The following DLGAP3 variants were observed in gnomAD, a reference collection of about 807,000 sequenced individuals.
The protein encoded by DLGAP3 is disks large-associated protein 3.
DLGAP3 carries 17 observed loss-of-function variants against 81.2 expected under a neutral mutation model. The ratio of observed to expected loss-of-function variants is 0.21; its 90% CI spans 0.14 to 0.31. DLGAP3 has a LOEUF of 0.31. Among genes scored for constraint, DLGAP3 ranks in the 10% least tolerant of loss-of-function variants. DLGAP3 has a pLI of 1.00. For missense variants in DLGAP3, 1,124 were observed against 1,388.0 expected (o/e 0.81, Z 3.02); for synonymous variants, 577 against 587.4 (o/e 0.98, Z 0.26).
At chr1:34,913,086 C>T (rs1639661192) in intron 1 of DLGAP3, among the ~76,000 whole-genome samples, 1 of 152,140 alleles carries the variant, frequency 6.6e-6, no homozygotes, top group Non-Finnish European at 1.5e-5. Flanking sequence ...CTTAGGACCC[C>T]AAGGGAAATC....
At chr1:34,871,284 G>A (rs749812813) in intron 8 of DLGAP3, among the ~76,000 whole-genome samples, 2 of 152,196 alleles carry the variant, frequency 1.3e-5, no homozygotes, top group East Asian at 3.9e-4. Flanking sequence ...TCCTTGAATC[G>A]ACTATAAGCG....
At chr1:34,878,795 G>A (rs1217007650) in intron 8 of DLGAP3, among the ~76,000 whole-genome samples, 1 of 152,216 alleles carries the variant, frequency 6.6e-6, no homozygotes, top group Non-Finnish European at 1.5e-5. Context: ...AGCTGGGTGG[G>A]CGCAGTGGCT....
chr1:34,866,931 G>A (rs2148390428), intron 11 of DLGAP3, 117 bp downstream of exon 11: 1 of 1,203,412 alleles, frequency 8.3e-7, no homozygotes, highest in Non-Finnish European at 1.2e-6. Context: ...GTCCAAGGCT[G>A]CCCTTGCTGC....
chr1:34,910,923 G>T (rs568566655), intron 1 of DLGAP3, among the ~76,000 whole-genome samples: 1 of 151,970 alleles, frequency 6.6e-6, no homozygotes, highest in South Asian at 2.1e-4. Flanking sequence ...CATATGGCAG[G>T]CATTTGTTGA....
chr1:34,897,370 A>G (rs1171369225), intron 5 of DLGAP3, among the ~76,000 whole-genome samples: 1 of 152,210 alleles, frequency 6.6e-6, no homozygotes, highest in African/African-American at 2.4e-5. Flanking sequence ...AGGGAGAGTT[A>G]AATTAAAATT....
Position 34,886,109 on chromosome 1 carries a change from G to C in DLGAP3, c.1563C>G (p.Leu521=), listed in dbSNP as rs1339136792. ...CSQDDDCLPL[L]ATPAAVSGRP... is the part of the protein sequence containing the mutation. ...TCCCTGAGACAGCGGCAGGGGTAGC[G>C]AGGAGGGGCAGGCAGTCGTCGTCTT... The change falls in exon 6 of 12, where the codon CTC becomes CTG. Residue 521 remains leucine, a synonymous_variant. Coordinates refer to ENST00000373347, the MANE Select transcript of DLGAP3 (RefSeq NM_001080418.3). 19 of 1,606,762 alleles carry C rather than the reference G, an allele frequency of 1.2e-5. No individual in the cohort carries two copies. The highest frequency in any genetic ancestry group is 1.6e-5 in the Non-Finnish European group (19 of 1,177,882).
chr1:34,884,380 C>A (rs1261215585), intron 8 of DLGAP3, among the ~76,000 whole-genome samples: 1 of 152,038 alleles, frequency 6.6e-6, no homozygotes, highest in Non-Finnish European at 1.5e-5. Context: ...GCTGGCAATG[C>A]TAATTCTTCA....
chr1:34,896,585 TCACACACA>T (rs10593156), intron 5 of DLGAP3, among the ~76,000 whole-genome samples: 1 of 146,796 alleles, frequency 6.8e-6, no homozygotes, highest in South Asian at 2.2e-4. Context: ...CCAGACTCCA[TCACACACA>T]CACACACACA....
At chr1:34,911,809 G>A (rs997350544) in intron 1 of DLGAP3, among the ~76,000 whole-genome samples, 2 of 152,202 alleles carry the variant, frequency 1.3e-5, no homozygotes, top group Admixed American at 1.3e-4. Context: ...GGTTGTCACT[G>A]CCCCAAGCAA....
In DLGAP3 at chr1:34,902,150, G is replaced by A. The variant is rs368362028; in HGVS notation, c.1108-1877C>T. Among the ~76,000 whole-genome samples, 6 of 152,216 alleles carry A rather than the reference G, an allele frequency of 3.9e-5. No individual in the cohort carries two copies. The highest frequency in any genetic ancestry group is 7.4e-5 in the Non-Finnish European group (5 of 68,006). On this transcript the variant is annotated intron_variant, in intron 3 of 11. Coordinates refer to ENST00000373347, the MANE Select transcript of DLGAP3 (RefSeq NM_001080418.3). This position sits in a 1 kb window ranked among gnomAD's most constrained non-coding sequence, Gnocchi z 4.4. Reference sequence around the variant, plus strand: ...CGGAAAATGAGGTGTAAGTGAAGACGTGGGGGAGAGGACTGGGGGAGGTAG... The same window carrying A: ...CGGAAAATGAGGTGTAAGTGAAGACATGGGGGAGAGGACTGGGGGAGGTAG...
At chr1:34,874,132 T>C (rs1472655270) in intron 8 of DLGAP3, among the ~76,000 whole-genome samples, 2 of 152,152 alleles carry the variant, frequency 1.3e-5, no homozygotes, top group Non-Finnish European at 2.9e-5. Flanking sequence ...GCAGACATGA[T>C]GGCTGGACCT....
intron 5 of DLGAP3, among the ~76,000 whole-genome samples, chr1:34,891,884 C>G (rs1639316131): frequency 6.6e-6 from 1 of 152,326 alleles, no homozygotes; most frequent in East Asian, 1.9e-4. Flanking sequence ...TCACAGATTT[C>G]ATTCAGGGAT....
intron 2 of DLGAP3, among the ~76,000 whole-genome samples, chr1:34,905,807 C>A (rs1033873662): frequency 6.6e-6 from 1 of 151,670 alleles, no homozygotes; most frequent in African/African-American, 2.4e-5. Context: ...AGTTCGAGAT[C>A]AACCTGGGCA....
At position 34,904,421 on chromosome 1, in the gene DLGAP3, T is replaced by G. The variant is rs1639509445; in HGVS notation, c.963A>C (p.Ser321=). The change falls in exon 3 of 12, where the codon TCA becomes TCC. Residue 321 remains serine, a synonymous_variant. Transcript: ENST00000373347. The surrounding 1 kb of genome is among the most constrained non-coding windows in gnomAD (Gnocchi z 8.1). ...RCLACTGMSM[S]LDGQSVKRSA... ...TTCGCTTGACCGACTGTCCATCCAG[T>G]GACATGGACATGCCAGTGCAGGCAA... 1 of 1,613,924 alleles carries G rather than the reference T, an allele frequency of 6.2e-7. No individual in the cohort carries two copies. Among genetic ancestry groups the G allele is most frequent in the Non-Finnish European group, 8.5e-7 (1 of 1,180,024 alleles).
chr1:34,867,363 C>T lies in DLGAP3; in HGVS notation c.2578-172G>A, dbSNP rs189195366. 3.2e-4 allele frequency among the ~76,000 whole-genome samples: 48 copies of T among 152,108 alleles called. No homozygotes were observed. The highest frequency in any genetic ancestry group is 6.2e-4 in the South Asian group (3 of 4,826). On this transcript the variant is annotated intron_variant, in intron 10 of 11. Coordinates refer to ENST00000373347, the MANE Select transcript of DLGAP3 (RefSeq NM_001080418.3). This position sits in a 1 kb window ranked among gnomAD's most constrained non-coding sequence, Gnocchi z 4.3. ...AGCCCAGGACTCCCCTTCTTGTGCACAAACACCTGGTCCTACCTCCAGGCA... is the reference window on the plus strand; with the variant it reads ...AGCCCAGGACTCCCCTTCTTGTGCATAAACACCTGGTCCTACCTCCAGGCA...
chr1:34,897,043 A>G (rs1347612786), intron 5 of DLGAP3, among the ~76,000 whole-genome samples: 5 of 152,206 alleles, frequency 3.3e-5, no homozygotes, highest in African/African-American at 1.2e-4. Context: ...TTCAAAAAAT[A>G]TACCTGAGAC....
At chr1:34,909,481 A>G (rs896089891) in intron 1 of DLGAP3, among the ~76,000 whole-genome samples, 2 of 152,222 alleles carry the variant, frequency 1.3e-5, no homozygotes, top group African/African-American at 4.8e-5. Flanking sequence ...GGATTTCAAT[A>G]GGTATCAAAT....
At chr1:34,887,407 T>TAA (rs66505362) in intron 5 of DLGAP3, among the ~76,000 whole-genome samples, 4 of 144,480 alleles carry the variant, frequency 2.8e-5, no homozygotes, top group Non-Finnish European at 6.1e-5. Context: ...TCCATGGTGT[T>TAA]AAAAAAAAAA....
Position 34,867,457 on chromosome 1 carries a change from C to A in DLGAP3, c.2577+79G>T. 7.7e-7 allele frequency: 1 copy of A among 1,304,390 alleles called. No individual in the cohort carries two copies. Among genetic ancestry groups the A allele is most frequent in the Non-Finnish European group, 1.1e-6 (1 of 897,756 alleles). The allele number at this position is 1,304,390 out of a possible 1,614,324, so 80.8% of individuals were successfully genotyped here. Reference sequence around the variant, plus strand: ...CCTCTGGTACACACTCACTCTGGGTCACCTGCCTGTCTCACCTCCAGCACA... The same window carrying A: ...CCTCTGGTACACACTCACTCTGGGTAACCTGCCTGTCTCACCTCCAGCACA... On this transcript the variant is annotated intron_variant, in intron 10 of 11. Transcript: ENST00000373347. This position sits in a 1 kb window ranked among gnomAD's most constrained non-coding sequence, Gnocchi z 4.3.
Sources: allele counts gnomAD v4.1 joint callset (sites outside exome capture counted in the v4.1 genomes callset), GRCh38; gene constraint gnomAD v4.1.1; non-coding constraint Gnocchi (gnomAD v3.1); transcripts MANE v1.5; gene names NCBI Gene and HGNC (gene_info 2026-07-23, HGNC 2026-07-21).